NTM: variants seen among roughly 807,000 people sequenced by gnomAD.
NTM encodes neurotrimin, also known as IgLON family member 2.
NTM carries 13 observed loss-of-function variants against 42.1 expected under a neutral mutation model. The observed-to-expected ratio is 0.31, with a 90% CI of 0.20 to 0.49. The LOEUF (loss-of-function observed/expected upper bound fraction) is 0.49, where lower values mean the gene tolerates loss of function less well. Ranked by LOEUF, NTM falls within the 20% of genes least tolerant of loss-of-function variation. The pLI, the probability that NTM is intolerant of heterozygous loss-of-function variation, is 0.99. For synonymous variants in NTM, 187 were observed against 179.2 expected, an observed-to-expected ratio of 1.04 and a Z score of -0.35; for missense variants, 373 against 452.8, an observed-to-expected ratio of 0.82 and a Z score of 1.60.
intron 1 of NTM, among the ~76,000 whole-genome samples, chr11:131,379,613 T>G (rs748528265): frequency 1.1e-4 from 16 of 152,178 alleles, no homozygotes; most frequent in Non-Finnish European, 2.4e-4. Context: ...AATAAGTTAA[T>G]GCAAATAAAG....
In NTM at chr11:131,693,076, G is replaced by A. The variant is rs1015195829; in HGVS notation, c.83-218488G>A. Among the ~76,000 whole-genome samples, 90 of 152,096 alleles carry A rather than the reference G, an allele frequency of 5.9e-4. 1 individual carries two copies. Among genetic ancestry groups the A allele is most frequent in the Non-Finnish European group, 5.4e-4 (37 of 68,014 alleles). On this transcript the variant is annotated intron_variant, in intron 1 of 8. Transcript: ENST00000683400. ...CCAAGTTGGGCAGGCCTGCAGATGG[G>A]TGGGGAGGGTTGGGACTGGGAGTTT...
rs755450370 is a variant in NTM at position 132,268,666 on chromosome 11, C to CTGTGTGTGTGTGTG, written c.527-39022_527-39021insGTGTGTGTGTGTGT. Among the ~76,000 whole-genome samples the CTGTGTGTGTGTGTG allele has an allele frequency of 1.9e-3, 166 of 88,020 alleles. 3 individuals carry two copies. In the East Asian group the frequency reaches 0.022, roughly 12 times the overall value. The allele number at this position is 88,020 out of a possible 152,430, so 57.7% of individuals were successfully genotyped here. ...GTTTGTGGTGTGGGGTCCTCTCTCT[C>CTGTGTGTGTGTGTG]TCTCTGTGTGTGTGTGTGTGTGTGT... On this transcript the variant is annotated intron_variant, in intron 4 of 8. Transcript: ENST00000683400.
intron 7 of NTM, among the ~76,000 whole-genome samples, chr11:132,316,350 A>T (rs1395627949): frequency 6.6e-6 from 1 of 152,222 alleles, no homozygotes; most frequent in Non-Finnish European, 1.5e-5. Flanking sequence ...GCAGGCACAC[A>T]TGTAGCAATT....
At chr11:131,818,217 G>A (rs377325562) in intron 1 of NTM, among the ~76,000 whole-genome samples, 7 of 147,856 alleles carry the variant, frequency 4.7e-5, no homozygotes, top group African/African-American at 8.0e-5. Flanking sequence ...CAGTCCTGTC[G>A]GTATCTCCTC....
intron 4 of NTM, among the ~76,000 whole-genome samples, chr11:132,288,174 G>A (rs1304656238): frequency 6.6e-6 from 1 of 152,232 alleles, no homozygotes; most frequent in Non-Finnish European, 1.5e-5. Context: ...CAGGATGCAA[G>A]CCACATCGTG....
At chr11:131,434,994 A>G (rs907064789) in intron 1 of NTM, among the ~76,000 whole-genome samples, 2 of 152,220 alleles carry the variant, frequency 1.3e-5, no homozygotes, top group African/African-American at 4.8e-5. Flanking sequence ...ATCCAGTTTC[A>G]GCTTTCTACA....
At chr11:132,044,285 T>G (rs1376837141) in intron 2 of NTM, among the ~76,000 whole-genome samples, 1 of 152,108 alleles carries the variant, frequency 6.6e-6, no homozygotes, top group Non-Finnish European at 1.5e-5. Flanking sequence ...ATAACAGGGC[T>G]CAAGTGATAA....
At chr11:131,723,119 T>C (rs2078562825) in intron 1 of NTM, among the ~76,000 whole-genome samples, 1 of 152,238 alleles carries the variant, frequency 6.6e-6, no homozygotes, top group South Asian at 2.1e-4. Context: ...TGCCGTTCTT[T>C]CCACTACACA....
intron 1 of NTM, among the ~76,000 whole-genome samples, chr11:131,726,123 A>G (rs1204582620): frequency 2.6e-5 from 4 of 152,208 alleles, no homozygotes; most frequent in Non-Finnish European, 1.5e-5. Flanking sequence ...AAAAAATTAC[A>G]TGAGAAAAGC....
chr11:131,610,484 G>A (rs1461395626), intron 1 of NTM, among the ~76,000 whole-genome samples: 10 of 152,176 alleles, frequency 6.6e-5, no homozygotes, highest in East Asian at 1.9e-4. Context: ...CTGGGCAGGC[G>A]AGATCCACAG....
chr11:131,548,029 CA>C (rs1238514289), intron 1 of NTM, among the ~76,000 whole-genome samples: 1 of 152,158 alleles, frequency 6.6e-6, no homozygotes, highest in Non-Finnish European at 1.5e-5. Flanking sequence ...CATCATCTAC[CA>C]CATACTAATT....
rs1202376589 is a variant in NTM at position 132,002,301 on chromosome 11, ATTAT to A, written c.167+90657_167+90660del. Among the ~76,000 whole-genome samples the A allele has an allele frequency of 9.8e-5, 15 of 152,296 alleles. No homozygotes were observed. The highest frequency in any genetic ancestry group is 5.8e-4 in the East Asian group (3 of 5,180). ...TGTACAAAAGCGATGAAATTTAATA[ATTAT>A]TTAGTTATTTGGAACATTAATATGC... On this transcript the variant is annotated intron_variant, in intron 2 of 8. Transcript: ENST00000683400. This position sits in a 1 kb window ranked among gnomAD's most constrained non-coding sequence, Gnocchi z 4.5.
chr11:131,735,305 A>G (rs1333614109), intron 1 of NTM, among the ~76,000 whole-genome samples: 1 of 152,192 alleles, frequency 6.6e-6, no homozygotes, highest in Non-Finnish European at 1.5e-5. Flanking sequence ...CATTTCCCCC[A>G]TCTTCTATGC....
intron 3 of NTM, among the ~76,000 whole-genome samples, chr11:132,161,523 C>T (rs914218054): frequency 1.3e-5 from 2 of 151,938 alleles, no homozygotes; most frequent in South Asian, 2.1e-4. Flanking sequence ...CGTTCTCTCA[C>T]GCATCGCCAA....
chr11:131,654,913 T>C (rs1315035289), intron 1 of NTM, among the ~76,000 whole-genome samples: 1 of 152,198 alleles, frequency 6.6e-6, no homozygotes, highest in Non-Finnish European at 1.5e-5. Context: ...AGTATTCTTT[T>C]ATAGCAATGC....
chr11:131,608,677 G>A (rs1015654394), intron 1 of NTM, among the ~76,000 whole-genome samples: 9 of 151,952 alleles, frequency 5.9e-5, no homozygotes, highest in Middle Eastern at 3.4e-3. Flanking sequence ...ATTATTCCTC[G>A]CTCTTTTTGT....
chr11:131,402,209 T>C (rs1034071538), intron 1 of NTM, among the ~76,000 whole-genome samples: 3 of 151,926 alleles, frequency 2.0e-5, no homozygotes, highest in Non-Finnish European at 4.4e-5. Flanking sequence ...GAAAATCACA[T>C]GTCATGTCAT....
At chr11:131,942,466 T>C (rs1476632830) in intron 2 of NTM, among the ~76,000 whole-genome samples, 1 of 152,154 alleles carries the variant, frequency 6.6e-6, no homozygotes, top group Non-Finnish European at 1.5e-5. Flanking sequence ...ACTGCCATGA[T>C]TTCCCATCTG....
chr11:131,649,509 A>G (rs949768085), intron 1 of NTM, among the ~76,000 whole-genome samples: 4 of 152,210 alleles, frequency 2.6e-5, no homozygotes, highest in African/African-American at 9.6e-5. Context: ...CCAGAGAAAC[A>G]TGGCTGAGAT....
Sources: allele counts gnomAD v4.1 joint callset (sites outside exome capture counted in the v4.1 genomes callset), GRCh38; gene constraint gnomAD v4.1.1; non-coding constraint Gnocchi (gnomAD v3.1); transcripts MANE v1.5; gene names NCBI Gene and HGNC (gene_info 2026-07-23, HGNC 2026-07-21).